NUF2: variants seen among roughly 807,000 people sequenced by gnomAD.
NUF2 encodes kinetochore protein Nuf2.
A neutral mutation model predicts 61.8 loss-of-function variants in NUF2; 34 were observed. The observed-to-expected ratio is 0.55, with a 90% CI of 0.42 to 0.73. NUF2 has a LOEUF of 0.73. Among genes scored for constraint, NUF2 ranks in the 30% least tolerant of loss-of-function variants. The pLI, the probability that NUF2 is intolerant of heterozygous loss-of-function variation, is 0.00. For missense variants in NUF2, 445 were observed against 539.1 expected (o/e 0.83, Z 1.73); for synonymous variants, 172 against 181.6 (o/e 0.95, Z 0.42).
chr1:163,322,863 C>T (rs193141600), intron 1 of NUF2: 1 of 152,246 alleles, frequency 6.6e-6, no homozygotes, highest in African/African-American at 2.4e-5. Flanking sequence ...TTTATCCCAC[C>T]TAGGAGCTCA....
intron 7 of NUF2, 45 bp downstream of exon 7, chr1:163,338,138 C>A: frequency 1.4e-6 from 2 of 1,451,136 alleles, no homozygotes; most frequent in Non-Finnish European, 1.9e-6. Context: ...TTTCAAAATG[C>A]AAAATGAATT....
At chr1:163,336,620 C>T in intron 5 of NUF2, 131 bp from the exon 6 acceptor site, 2 of 476,484 alleles carry the variant, frequency 4.2e-6, no homozygotes, top group Non-Finnish European at 7.4e-6. Context: ...AGATTTTCTA[C>T]ACTTTGTTAT....
chr1:163,325,276 C>T (rs74873669), intron 1 of NUF2, among the ~76,000 whole-genome samples: 1,901 of 152,272 alleles, frequency 0.012, 41 homozygotes, highest in African/African-American at 0.044. Flanking sequence ...GGCAGCATCC[C>T]TGGTCTTTAT....
chr1:163,344,686 T>C (rs1244662334), intron 10 of NUF2, among the ~76,000 whole-genome samples: 1 of 90,454 alleles, frequency 1.1e-5, no homozygotes, highest in Non-Finnish European at 2.6e-5. Flanking sequence ...GCAATGTTTT[T>C]AAACTATTAA....
chr1:163,345,618 T>C (rs960890736), intron 10 of NUF2, 60 bp from the exon 11 acceptor site: 3 of 1,442,606 alleles, frequency 2.1e-6, no homozygotes, highest in Admixed American at 2.1e-5. Context: ...CAAATTGATA[T>C]TACTGCAGCT....
chr1:163,326,263 G>T, intron 2 of NUF2, 89 bp downstream of exon 2: 1 of 1,235,258 alleles, frequency 8.1e-7, no homozygotes. Flanking sequence ...AAGGGATATG[G>T]CCTCCTATTT....
intron 5 of NUF2, among the ~76,000 whole-genome samples, chr1:163,329,900 G>A (rs115788936): frequency 0.011 from 1,711 of 152,162 alleles, 35 homozygotes; most frequent in African/African-American, 0.032. Context: ...GCTATGAGAA[G>A]ACATAGAGGA....
intron 5 of NUF2, among the ~76,000 whole-genome samples, chr1:163,331,313 A>G (rs980622502): frequency 2.0e-5 from 3 of 151,932 alleles, no homozygotes; most frequent in Non-Finnish European, 4.4e-5. Flanking sequence ...AAATTACATT[A>G]CTTGATTTTT....
intron 7 of NUF2, 38 bp from the exon 8 acceptor site, chr1:163,339,343 G>A (rs746977857): frequency 1.6e-6 from 2 of 1,255,716 alleles, no homozygotes; most frequent in Non-Finnish European, 2.3e-6. Context: ...CCTTTCAAAA[G>A]TGAAGAGCAG....
chr1:163,323,035 T>C (rs1650289392), intron 1 of NUF2: 1 of 152,204 alleles, frequency 6.6e-6, no homozygotes, highest in African/African-American at 2.4e-5. Context: ...AGAAATTTCA[T>C]TCAATTATTA....
intron 5 of NUF2, among the ~76,000 whole-genome samples, chr1:163,332,245 A>G (rs534418168): frequency 1.1e-3 from 166 of 152,192 alleles, no homozygotes; most frequent in African/African-American, 3.7e-3. Flanking sequence ...TGGGTTATTT[A>G]TAAGTGTGTT....
chr1:163,350,852 A>C (rs1020164623), intron 13 of NUF2, among the ~76,000 whole-genome samples: 2 of 152,182 alleles, frequency 1.3e-5, no homozygotes, highest in Non-Finnish European at 2.9e-5. Context: ...TAGAGTTTTC[A>C]ATAGGTATGG....
At chr1:163,325,572 T>C (rs1305887372) in intron 1 of NUF2, among the ~76,000 whole-genome samples, 1 of 152,232 alleles carries the variant, frequency 6.6e-6, no homozygotes, top group Non-Finnish European at 1.5e-5. Context: ...ACTATATATG[T>C]AATGAATAGG....
chr1:163,354,402 GA>G (rs935162849), intron 13 of NUF2, among the ~76,000 whole-genome samples: 3 of 152,064 alleles, frequency 2.0e-5, no homozygotes, highest in African/African-American at 7.2e-5. Context: ...AGAGTTGCTG[GA>G]AATAGGGTTC....
chr1:163,323,867 C>CA lies in NUF2; in HGVS notation c.-21+1664dup, dbSNP rs1044835568. 3.0e-4 allele frequency among the ~76,000 whole-genome samples: 45 copies of CA among 148,884 alleles called. 1 individual carries two copies. Among genetic ancestry groups the CA allele is most frequent in the Admixed American group, 8.0e-4 (12 of 14,998 alleles). On this transcript the variant is annotated intron_variant, in intron 1 of 13. Transcript: ENST00000271452. ...CACAAGTGACACAGCAGATGGTGAC[C>CA]AAAAAAAAAGAGAGGGAAAGGGGGA...
chr1:163,324,826 T>C (rs1206189879), intron 1 of NUF2, among the ~76,000 whole-genome samples: 1 of 152,050 alleles, frequency 6.6e-6, no homozygotes, highest in Non-Finnish European at 1.5e-5. Context: ...TAAACATAAT[T>C]CCAGTACATT....
chr1:163,331,057 C>T (rs1364978006), intron 5 of NUF2, among the ~76,000 whole-genome samples: 1 of 140,606 alleles, frequency 7.1e-6, no homozygotes, highest in Non-Finnish European at 1.5e-5. Flanking sequence ...TCTGCACTGG[C>T]TGGGACTTTT....
chr1:163,335,278 C>T (rs1650720308), intron 5 of NUF2, among the ~76,000 whole-genome samples: 1 of 152,124 alleles, frequency 6.6e-6, no homozygotes, highest in Admixed American at 6.5e-5. Flanking sequence ...GGGACTGGTG[C>T]ATCCACAGAC....
intron 13 of NUF2, among the ~76,000 whole-genome samples, chr1:163,350,371 TTATG>T (rs1651273976): frequency 1.3e-5 from 2 of 152,212 alleles, no homozygotes; most frequent in South Asian, 4.2e-4. Flanking sequence ...CAATAAATAT[TTATG>T]TGTTACTACA....
Sources: gnomAD v4.1 joint callset for allele counts (sites outside exome capture counted in the v4.1 genomes callset) on GRCh38, gnomAD v4.1.1 for gene constraint, MANE v1.5 for transcripts, NCBI Gene and HGNC (gene_info 2026-07-23, HGNC 2026-07-21) for gene names.